The following AGPS variants were observed in gnomAD, a reference collection of about 807,000 sequenced individuals.
AGPS encodes alkyldihydroxyacetonephosphate synthase, peroxisomal.
Under a neutral mutation model 90.7 loss-of-function variants are expected in AGPS, and 26 were observed. The observed-to-expected ratio is 0.29, with a 90% CI of 0.21 to 0.40. The LOEUF is 0.40. Ranked by LOEUF, AGPS falls within the 10% of genes least tolerant of loss-of-function variation. The probability of loss-of-function intolerance (pLI) is 1.00; values close to 1 mark genes in which losing one functional copy is unlikely to be tolerated. For missense variants in AGPS, 540 were observed against 816.1 expected, an observed-to-expected ratio of 0.66 and a Z score of 4.12; for synonymous variants, 294 against 285.3, an observed-to-expected ratio of 1.03 and a Z score of -0.31.
At chr2:177,461,342 C>T (rs1350615485) in intron 8 of AGPS, among the ~76,000 whole-genome samples, 10 of 152,258 alleles carry the variant, frequency 6.6e-5, no homozygotes, top group East Asian at 3.9e-4. Flanking sequence ...AAATAAATGA[C>T]GTTATTACAT....
At chr2:177,492,903 A>G (rs1320488024) in intron 11 of AGPS, among the ~76,000 whole-genome samples, 1 of 86,342 alleles carries the variant, frequency 1.2e-5, no homozygotes, top group African/African-American at 2.9e-5. Context: ...TAAATTTAAA[A>G]TCTGTTAACT....
chr2:177,471,333 C>G (rs1463263493), intron 10 of AGPS, among the ~76,000 whole-genome samples: 4 of 152,072 alleles, frequency 2.6e-5, no homozygotes, highest in Admixed American at 2.6e-4. Flanking sequence ...CCTATTTTCT[C>G]CATCCGACTA....
intron 10 of AGPS, among the ~76,000 whole-genome samples, chr2:177,477,970 CT>C (rs1290024735): frequency 1.3e-5 from 2 of 152,084 alleles, no homozygotes; most frequent in Admixed American, 6.5e-5. Context: ...CAAAAGTGCT[CT>C]TTTTTGTATA....
chr2:177,495,682 C>T (rs939321113), intron 12 of AGPS, among the ~76,000 whole-genome samples: 4 of 150,844 alleles, frequency 2.7e-5, no homozygotes, highest in East Asian at 3.9e-4. Flanking sequence ...CCAAGGCAGG[C>T]GGATCACCTG....
At chr2:177,425,584 G>A (rs1466301099) in intron 2 of AGPS, among the ~76,000 whole-genome samples, 1 of 132,864 alleles carries the variant, frequency 7.5e-6, no homozygotes, top group Non-Finnish European at 1.5e-5. Flanking sequence ...TCACGCCATT[G>A]CACTCCAGCC....
chr2:177,435,957 C>T (rs1191162288), intron 3 of AGPS, among the ~76,000 whole-genome samples: 1 of 151,998 alleles, frequency 6.6e-6, no homozygotes, highest in Non-Finnish European at 1.5e-5. Context: ...TGCCCAATGT[C>T]TCATAGTTTT....
chr2:177,403,655 G>A (rs1685389556), intron 1 of AGPS, among the ~76,000 whole-genome samples: 1 of 152,216 alleles, frequency 6.6e-6, no homozygotes, highest in South Asian at 2.1e-4. Flanking sequence ...CTAACATTAA[G>A]AGATAACCGC....
rs760039846 is a variant in AGPS at position 177,436,922 on chromosome 2, A to C, written c.562+38A>C. The C allele has an allele frequency of 6.2e-6, 10 of 1,610,864 alleles. No homozygotes were observed. The South Asian group carries it at 1.1e-4, about 18-fold the overall frequency. ...ATATTAGCCCTATTTATTTTTAACA[A>C]AAAAATTCTATATTTTAAGCTGTTT... On this transcript the variant is annotated intron_variant, in intron 4 of 19. Coordinates refer to ENST00000264167, the MANE Select transcript of AGPS (RefSeq NM_003659.4).
intron 9 of AGPS, 100 bp downstream of exon 9, chr2:177,462,118 C>T (rs775499229): frequency 6.8e-5 from 77 of 1,124,938 alleles, no homozygotes; most frequent in African/African-American, 3.5e-4. Flanking sequence ...GGCCTGGGCG[C>T]GGTGGCCAAT....
chr2:177,404,897 A>G (rs1408522847), intron 1 of AGPS, among the ~76,000 whole-genome samples: 1 of 152,212 alleles, frequency 6.6e-6, no homozygotes, highest in Admixed American at 6.5e-5. Context: ...TACAATTGGT[A>G]ACTTAAAAAA....
intron 2 of AGPS, among the ~76,000 whole-genome samples, chr2:177,425,837 C>T (rs1686066343): frequency 6.6e-6 from 1 of 151,974 alleles, no homozygotes; most frequent in South Asian, 2.1e-4. Flanking sequence ...ATGCCTCCAG[C>T]TTTGTTCTTT....
At chr2:177,461,863 A>C in intron 8 of AGPS, 30 bp from the exon 9 acceptor site, 1 of 1,597,580 alleles carries the variant, frequency 6.3e-7, no homozygotes, top group Non-Finnish European at 8.5e-7. Flanking sequence ...GACCATTTTC[A>C]CTGTAAAATG....
intron 17 of AGPS, among the ~76,000 whole-genome samples, chr2:177,520,875 A>G (rs1342882556): frequency 6.6e-6 from 1 of 152,214 alleles, no homozygotes. Context: ...AGTTCTCATT[A>G]CTTCTAGATA....
intron 5 of AGPS, among the ~76,000 whole-genome samples, chr2:177,438,658 GC>G (rs1313615408): frequency 6.6e-6 from 1 of 152,004 alleles, no homozygotes; most frequent in Non-Finnish European, 1.5e-5. Context: ...TGCCCCTTAA[GC>G]CTCCCATACA....
intron 1 of AGPS, among the ~76,000 whole-genome samples, chr2:177,395,653 G>T (rs1685151088): frequency 6.6e-6 from 1 of 152,214 alleles, no homozygotes; most frequent in Non-Finnish European, 1.5e-5. Flanking sequence ...GAGGAAGAAG[G>T]AACCACAGTA....
intron 17 of AGPS, among the ~76,000 whole-genome samples, chr2:177,518,082 G>A (rs757023550): frequency 6.6e-6 from 1 of 152,116 alleles, no homozygotes; most frequent in Non-Finnish European, 1.5e-5. Flanking sequence ...CTTGGTTAGG[G>A]TGGTACCTGC....
intron 10 of AGPS, among the ~76,000 whole-genome samples, chr2:177,472,218 C>T (rs80193062): frequency 0.1 from 15,407 of 149,908 alleles, 1,156 homozygotes; most frequent in East Asian, 0.35. Context: ...TTTTCTCTGA[C>T]CCTTTTTCTC....
At chr2:177,470,681 AGCCTGG>A (rs1372305435) in intron 10 of AGPS, among the ~76,000 whole-genome samples, 1 of 145,752 alleles carries the variant, frequency 6.9e-6, no homozygotes, top group African/African-American at 2.5e-5. Flanking sequence ...ACTACACTCC[AGCCTGG>A]GTGATGGAGT....
At chr2:177,468,704 C>T (rs1687527310) in intron 10 of AGPS, among the ~76,000 whole-genome samples, 180 bp downstream of exon 10, 1 of 151,778 alleles carries the variant, frequency 6.6e-6, no homozygotes, top group South Asian at 2.1e-4. Context: ...ATTAAACTTC[C>T]TCTTACATTT....
Sources: allele counts gnomAD v4.1 joint callset (sites outside exome capture counted in the v4.1 genomes callset), GRCh38; gene constraint gnomAD v4.1.1; transcripts MANE v1.5; gene names NCBI Gene and HGNC (gene_info 2026-07-23, HGNC 2026-07-21).